The following PLEK variants were observed in gnomAD, a reference collection of about 807,000 sequenced individuals.
The protein encoded by PLEK is pleckstrin, also known as platelet 47 kDa protein.
A neutral mutation model predicts 43.9 loss-of-function variants in PLEK; 25 were observed. The ratio of observed to expected loss-of-function variants is 0.57; its 90% CI spans 0.41 to 0.79. The LOEUF is 0.79. Among genes scored for constraint, PLEK ranks in the 30% least tolerant of loss-of-function variants. The pLI, the probability that PLEK is intolerant of heterozygous loss-of-function variation, is 0.00. For synonymous variants in PLEK, 152 were observed against 144.4 expected (o/e 1.05, Z -0.38); for missense variants, 396 against 413.3 (o/e 0.96, Z 0.36).
At chr2:68,378,855 C>T (rs574393539) in intron 1 of PLEK, among the ~76,000 whole-genome samples, 30 of 152,206 alleles carry the variant, frequency 2.0e-4, no homozygotes, top group Admixed American at 7.8e-4. Flanking sequence ...ACCAGCTGGG[C>T]GCGATGGCTC....
rs1430427886 is a variant in PLEK at position 68,396,326 on chromosome 2, A to G, written c.*510A>G. 2.0e-5 allele frequency: 3 copies of G among 153,632 alleles called. No homozygotes were observed. The highest frequency in any genetic ancestry group is 7.2e-5 in the African/African-American group (3 of 41,462). The allele number at this position is 153,632 out of a possible 1,614,324, so 9.5% of individuals were successfully genotyped here. A position where few individuals can be genotyped will look rare whatever the true frequency, so the allele number is the denominator to read the frequency against. The stretch of plus-strand genomic sequence containing the variant: ...GCTGATCTGTAGTACAGTACCAGGA[A>G]GAAACCTCTTTTGTTCTCTTTAGAC... On this transcript the variant is annotated 3_prime_UTR_variant, in exon 9 of 9. Coordinates refer to ENST00000234313, the MANE Select transcript of PLEK (RefSeq NM_002664.3).
At position 68,396,931 on chromosome 2, in the gene PLEK, T is replaced by G. The variant is rs1386438149; in HGVS notation, c.*1115T>G. On this transcript the variant is annotated 3_prime_UTR_variant, in exon 9 of 9. Transcript: ENST00000234313. ...TTGCGCAGCATCTTCAGTTCTCCAG[T>G]AAATGATATTGCGTTCGTGCCTCAG... 2 of 152,212 alleles carry G rather than the reference T, an allele frequency of 1.3e-5. No homozygotes were observed. The highest frequency in any genetic ancestry group is 2.4e-5 in the African/African-American group (1 of 41,454). 9.4% of individuals were successfully genotyped at this position (152,212 alleles called of 1,614,324 possible). A position where few individuals can be genotyped will look rare whatever the true frequency, so the allele number is the denominator to read the frequency against.
intron 6 of PLEK, among the ~76,000 whole-genome samples, chr2:68,389,260 T>C (rs1235977856): frequency 6.6e-6 from 1 of 152,204 alleles, no homozygotes; most frequent in African/African-American, 2.4e-5. Context: ...GGGAAGCTAG[T>C]TGATACTTGC....
At chr2:68,393,528 C>A (rs912243868) in intron 7 of PLEK, among the ~76,000 whole-genome samples, 1 of 152,108 alleles carries the variant, frequency 6.6e-6, no homozygotes, top group Non-Finnish European at 1.5e-5. Flanking sequence ...CTGATATTTT[C>A]AGGGGAATTA....
chr2:68,397,330 C>T lies in PLEK; in HGVS notation c.*1514C>T, dbSNP rs2103791749. 6.6e-6 allele frequency: 1 copy of T among 152,232 alleles called. No individual in the cohort carries two copies. The highest frequency in any genetic ancestry group is 3.4e-3 in the Middle Eastern group (1 of 294). The allele number at this position is 152,232 out of a possible 1,614,324, so 9.4% of individuals were successfully genotyped here. The stretch of plus-strand genomic sequence containing the variant: ...TAGAGGTAAAGAACTGTCTTTTTCT[C>T]TGATTCTTTAATAAATTATCTTTAT... On this transcript the variant is annotated 3_prime_UTR_variant, in exon 9 of 9. Coordinates refer to ENST00000234313, the MANE Select transcript of PLEK (RefSeq NM_002664.3).
At chr2:68,377,615 T>A (rs1221706130) in intron 1 of PLEK, among the ~76,000 whole-genome samples, 1 of 152,160 alleles carries the variant, frequency 6.6e-6, no homozygotes, top group African/African-American at 2.4e-5. Flanking sequence ...TTTTGAATGG[T>A]TTATTAGATT....
intron 1 of PLEK, among the ~76,000 whole-genome samples, chr2:68,365,955 G>A (rs781402986): frequency 6.6e-6 from 1 of 152,032 alleles, no homozygotes; most frequent in African/African-American, 2.4e-5. Context: ...TAGTAAATTT[G>A]CATAATGTGG....
chr2:68,384,521 A>G (rs1673698122), intron 4 of PLEK, among the ~76,000 whole-genome samples: 1 of 152,108 alleles, frequency 6.6e-6, no homozygotes, highest in Non-Finnish European at 1.5e-5. Flanking sequence ...CAGGTGGGCT[A>G]GTACTTCTTA....
chr2:68,377,491 T>C (rs1363579335), intron 1 of PLEK, among the ~76,000 whole-genome samples: 1 of 152,234 alleles, frequency 6.6e-6, no homozygotes, highest in Non-Finnish European at 1.5e-5. Flanking sequence ...TATCTCATTG[T>C]AGTTTTGATT....
intron 3 of PLEK, 26 bp from the exon 4 acceptor site, chr2:68,382,516 T>G (rs1483992087): frequency 6.7e-6 from 9 of 1,346,764 alleles, no homozygotes; most frequent in Admixed American, 1.9e-5. Context: ...GTTTGTTTGT[T>G]TGTTTGCTTT....
At chr2:68,390,782 A>G (rs6718855) in intron 6 of PLEK, among the ~76,000 whole-genome samples, 25,464 of 152,206 alleles carry the variant, frequency 0.17, 2,746 homozygotes, top group African/African-American at 0.31. Flanking sequence ...GCTGTGGCTA[A>G]CTGGAGGCCA....
intron 7 of PLEK, 49 bp from the exon 8 acceptor site, chr2:68,394,058 C>A (rs375417456): frequency 8.3e-6 from 10 of 1,209,854 alleles, no homozygotes; most frequent in African/African-American, 1.5e-5. Context: ...TGAGGTCTAT[C>A]TATACTCTGC....
intron 4 of PLEK, among the ~76,000 whole-genome samples, chr2:68,386,030 T>C (rs545487299): frequency 1.8e-4 from 28 of 152,270 alleles, no homozygotes; most frequent in African/African-American, 6.3e-4. Context: ...ATGCATGTGT[T>C]GCTTTTTTTT....
At chr2:68,390,617 G>GT (rs1673840613) in intron 6 of PLEK, among the ~76,000 whole-genome samples, 1 of 152,052 alleles carries the variant, frequency 6.6e-6, no homozygotes, top group African/African-American at 2.4e-5. Flanking sequence ...AGTAACCATA[G>GT]TTTACATCAA....
chr2:68,378,354 T>C (rs1673546132), intron 1 of PLEK, among the ~76,000 whole-genome samples: 1 of 152,202 alleles, frequency 6.6e-6, no homozygotes, highest in African/African-American at 2.4e-5. Context: ...CAAGCATCAT[T>C]GGATGACATG....
rs1399149778 is a variant in PLEK at position 68,396,511 on chromosome 2, AAAGAGACCTGGGG to A, written c.*697_*709del. ...AGCCTGGAAAGTTGTGTCTTCTGGG[AAAGAGACCTGGGG>A]AGGCCAGGAGTAGCTGAGGGTCCTT... On this transcript the variant is annotated 3_prime_UTR_variant, in exon 9 of 9. Transcript: ENST00000234313. 6.6e-6 allele frequency: 1 copy of A among 152,078 alleles called. No homozygotes were observed. The highest frequency in any genetic ancestry group is 1.5e-5 in the Non-Finnish European group (1 of 68,078). 9.4% of individuals were successfully genotyped at this position (152,078 alleles called of 1,614,324 possible). A position where few individuals can be genotyped will look rare whatever the true frequency, so the allele number is the denominator to read the frequency against.
intron 1 of PLEK, among the ~76,000 whole-genome samples, chr2:68,378,219 G>A (rs1160027671): frequency 1.3e-5 from 2 of 152,082 alleles, no homozygotes; most frequent in Non-Finnish European, 1.5e-5. Flanking sequence ...AAAAGCCATG[G>A]CTCAGAAATA....
chr2:68,374,394 C>G (rs1449197330), intron 1 of PLEK, among the ~76,000 whole-genome samples: 1 of 152,146 alleles, frequency 6.6e-6, no homozygotes, highest in Admixed American at 6.6e-5. Flanking sequence ...GCTGTTTTTC[C>G]AGTGATTAAG....
At chr2:68,395,112 G>A (rs905101530) in intron 8 of PLEK, among the ~76,000 whole-genome samples, 2 of 151,944 alleles carry the variant, frequency 1.3e-5, no homozygotes, top group African/African-American at 4.8e-5. Flanking sequence ...CTTAGTGCTT[G>A]ATGAAAAACA....
Sources: allele counts gnomAD v4.1 joint callset (sites outside exome capture counted in the v4.1 genomes callset), GRCh38; gene constraint gnomAD v4.1.1; transcripts MANE v1.5; gene names NCBI Gene and HGNC (gene_info 2026-07-23, HGNC 2026-07-21).